The following IQCK variants were observed in gnomAD, a reference collection of about 807,000 sequenced individuals.
IQCK encodes IQ domain-containing protein K.
In IQCK, 29 loss-of-function variants were observed where a neutral mutation model predicts 28.1. The ratio of observed to expected loss-of-function variants is 1.03; its 90% confidence interval spans 0.77 to 1.41. The LOEUF (loss-of-function observed/expected upper bound fraction) is 1.41, where lower values mean the gene tolerates loss of function less well. Among genes scored for constraint, IQCK ranks in the 40% most tolerant of loss-of-function variants. The pLI is 0.00. For synonymous variants in IQCK, 113 were observed against 115.1 expected (o/e 0.98, Z 0.12); for missense variants, 359 against 314.7 (o/e 1.14, Z -1.07).
intron 6 of IQCK, chr16:19,765,967 A>AC (rs1340242217): frequency 3.9e-5 from 6 of 152,200 alleles, no homozygotes; most frequent in African/African-American, 7.2e-5. Flanking sequence ...TTATACAAAT[A>AC]CCTTAATTTT....
rs1597499028 is a variant in IQCK, at chr16:19,730,375, C to T, written c.182-55C>T. ...GTTTTATTCAGGGAGAAGGAAATTA[C>T]ACCAGAAACTCTAGTGAAGTATGGA... On this transcript the variant is annotated intron_variant, in intron 1 of 7. Coordinates refer to ENST00000564186, the Ensembl canonical transcript of IQCK. 3.8e-6 allele frequency: 5 copies of T among 1,329,294 alleles called. No homozygotes were observed. The East Asian group carries it at 7.1e-5, about 19-fold the overall frequency. The allele number at this position is 1,329,294 out of a possible 1,614,324, so 82.3% of individuals were successfully genotyped here.
intron 6 of IQCK, among the ~76,000 whole-genome samples, chr16:19,776,022 A>G (rs1856930264): frequency 1.3e-5 from 2 of 151,592 alleles, no homozygotes; most frequent in Admixed American, 1.3e-4. Flanking sequence ...GCTGGGCTAT[A>G]GGCACCCAAC....
At chr16:19,740,029 C>T (rs2054810581) in intron 4 of IQCK, among the ~76,000 whole-genome samples, 1 of 152,216 alleles carries the variant, frequency 6.6e-6, no homozygotes, top group South Asian at 2.1e-4. Context: ...CATCTCCAAC[C>T]AAGGCCCAGA....
At chr16:19,784,329 C>T (rs2055533953) in intron 6 of IQCK, among the ~76,000 whole-genome samples, 1 of 152,120 alleles carries the variant, frequency 6.6e-6, no homozygotes, top group Non-Finnish European at 1.5e-5. Flanking sequence ...TCTCTCTGGG[C>T]CACTGTTTCC....
chr16:19,782,435 C>T (rs1228653545), intron 6 of IQCK, among the ~76,000 whole-genome samples: 1 of 151,136 alleles, frequency 6.6e-6, no homozygotes, highest in Non-Finnish European at 1.5e-5. Flanking sequence ...ACCTGGGCAA[C>T]ATAGTGAGAC....
downstream of IQCK, among the ~76,000 whole-genome samples, chr16:19,829,499 G>C (rs1216437601): frequency 6.6e-6 from 1 of 151,972 alleles, no homozygotes; most frequent in Admixed American, 6.6e-5. Flanking sequence ...ACCATGCCCA[G>C]CTAATTTTCG....
chr16:19,767,538 G>C (rs573800366), intron 6 of IQCK, among the ~76,000 whole-genome samples: 2 of 152,160 alleles, frequency 1.3e-5, no homozygotes, highest in South Asian at 4.2e-4. Context: ...GTGCTCTTCT[G>C]CTGGTGTGCT....
intron 1 of IQCK, among the ~76,000 whole-genome samples, chr16:19,725,258 C>G (rs186049877): frequency 6.6e-6 from 1 of 152,040 alleles, no homozygotes; most frequent in African/African-American, 2.4e-5. Context: ...AGTGCAGTGG[C>G]GTGATCGTGC....
intron 1 of IQCK, among the ~76,000 whole-genome samples, chr16:19,726,887 A>G (rs1318866277): frequency 1.3e-5 from 2 of 152,162 alleles, no homozygotes; most frequent in Non-Finnish European, 2.9e-5. Context: ...TAATTCCAGC[A>G]CTTTGGGAGG....
chr16:19,784,394 C>T (rs920270980), intron 6 of IQCK, among the ~76,000 whole-genome samples: 2 of 152,192 alleles, frequency 1.3e-5, no homozygotes, highest in African/African-American at 4.8e-5. Flanking sequence ...CACAGAGTCC[C>T]TTTACCCCTC....
intron 7 of IQCK, among the ~76,000 whole-genome samples, chr16:19,818,150 AT>A (rs1401998103): frequency 6.6e-6 from 1 of 152,178 alleles, no homozygotes; most frequent in African/African-American, 2.4e-5. Flanking sequence ...AGCTAAAGTT[AT>A]GGCTAGTAAG....
At chr16:19,760,962 G>GT (rs1314427944) in intron 4 of IQCK, among the ~76,000 whole-genome samples, 11 of 152,152 alleles carry the variant, frequency 7.2e-5, no homozygotes, top group Non-Finnish European at 1.5e-5. Context: ...TTTGTAAACT[G>GT]TCATGGTGCT....
chr16:19,849,980 T>G (rs2056462187), intron 9 of IQCK, among the ~76,000 whole-genome samples: 1 of 152,174 alleles, frequency 6.6e-6, no homozygotes, highest in African/African-American at 2.4e-5. Flanking sequence ...ATAGGAAATG[T>G]GCTGCACCGT....
At chr16:19,853,626 A>G (rs190688877) in intron 9 of IQCK, among the ~76,000 whole-genome samples, 2 of 151,084 alleles carry the variant, frequency 1.3e-5, no homozygotes, top group African/African-American at 4.9e-5. Flanking sequence ...TCTGCCAGCT[A>G]TCTCTCTCTC....
intron 6 of IQCK, among the ~76,000 whole-genome samples, chr16:19,783,308 T>C (rs2055516968): frequency 6.6e-6 from 1 of 152,038 alleles, no homozygotes; most frequent in South Asian, 2.1e-4. Context: ...CAGCATTGAT[T>C]CTTAGGGTTC....
chr16:19,842,335 G>A (rs1460877602), intron 9 of IQCK, among the ~76,000 whole-genome samples: 3 of 152,190 alleles, frequency 2.0e-5, no homozygotes, highest in African/African-American at 7.2e-5. Context: ...CATTGTAAAA[G>A]CAATGTAAAA....
chr16:19,812,081 G>A (rs1310056286), intron 7 of IQCK, among the ~76,000 whole-genome samples: 2 of 150,634 alleles, frequency 1.3e-5, no homozygotes, highest in Admixed American at 6.7e-5. Flanking sequence ...TCTGCCTCCC[G>A]GGTTCAAGCA....
chr16:19,719,670 A>ATT (rs1204084614), intron 1 of IQCK, among the ~76,000 whole-genome samples: 124 of 126,556 alleles, frequency 9.8e-4, no homozygotes, highest in Middle Eastern at 4.3e-3. Flanking sequence ...TTGGACTCAA[A>ATT]TTTTTTTTTT....
chr16:19,730,210 C>T (rs1001979441), intron 1 of IQCK, among the ~76,000 whole-genome samples: 5 of 152,208 alleles, frequency 3.3e-5, no homozygotes, highest in Admixed American at 3.3e-4. Context: ...CCTGCCTCGG[C>T]CTCCAAAAGT....
Sources: allele counts gnomAD v4.1 joint callset (sites outside exome capture counted in the v4.1 genomes callset), GRCh38; gene constraint gnomAD v4.1.1; transcripts MANE v1.5; gene names NCBI Gene and HGNC (gene_info 2026-07-23, HGNC 2026-07-21).